The following MCPH1 variants were observed in gnomAD, a reference collection of about 807,000 sequenced individuals.
The protein encoded by MCPH1 is microcephalin 1, also known as microcephalin.
In MCPH1, 104 loss-of-function variants were observed where a neutral mutation model predicts 84.5. The ratio of observed to expected loss-of-function variants is 1.23; its 90% CI spans 1.05 to 1.45. MCPH1 has a LOEUF of 1.45. Among genes scored for constraint, MCPH1 ranks in the 40% most tolerant of loss-of-function variants. The probability of loss-of-function intolerance (pLI) is 0.00; values close to 1 mark genes in which losing one functional copy is unlikely to be tolerated. For missense variants in MCPH1, 1,498 were observed against 1,005.7 expected, an observed-to-expected ratio of 1.49 and a Z score of -6.62; for synonymous variants, 514 against 366.8, an observed-to-expected ratio of 1.40 and a Z score of -4.58.
At chr8:6,483,905 C>A (rs1367252001) in intron 11 of MCPH1, among the ~76,000 whole-genome samples, 1 of 152,030 alleles carries the variant, frequency 6.6e-6, no homozygotes, top group East Asian at 1.9e-4. Flanking sequence ...AAGGGAGAAC[C>A]TCATTCTATA....
chr8:6,567,563 C>A (rs1290892312), intron 12 of MCPH1, among the ~76,000 whole-genome samples: 2 of 152,178 alleles, frequency 1.3e-5, no homozygotes, highest in Non-Finnish European at 2.9e-5. Context: ...GCCTGGGATG[C>A]AAGTGTGCAT....
chr8:6,559,672 T>C (rs1045373732), intron 12 of MCPH1, among the ~76,000 whole-genome samples: 8 of 151,988 alleles, frequency 5.3e-5, no homozygotes, highest in African/African-American at 1.9e-4. Context: ...TTTCCTCTTA[T>C]CAGAAAAAAA....
chr8:6,595,150 A>G (rs558504843), intron 12 of MCPH1, among the ~76,000 whole-genome samples: 1 of 152,274 alleles, frequency 6.6e-6, no homozygotes, highest in Admixed American at 6.5e-5. Flanking sequence ...ATTGATTCAA[A>G]AGCATTCACT....
At chr8:6,449,607 T>C (rs1246681730) in intron 8 of MCPH1, among the ~76,000 whole-genome samples, 1 of 151,390 alleles carries the variant, frequency 6.6e-6, no homozygotes. Context: ...CACTCCATCC[T>C]GGACAACGAG....
intron 12 of MCPH1, among the ~76,000 whole-genome samples, chr8:6,555,307 TC>T (rs1296282235): frequency 5.3e-5 from 8 of 152,214 alleles, no homozygotes; most frequent in African/African-American, 1.9e-4. Flanking sequence ...AGGCTGAATT[TC>T]GTCGTCCTGC....
intron 9 of MCPH1, chr8:6,477,200 G>C (rs937198980): frequency 5.0e-6 from 1 of 200,500 alleles, no homozygotes; most frequent in African/African-American, 2.4e-5. Context: ...TCTGAAATGA[G>C]AATGAGGCTG....
rs1319509229 is a variant in MCPH1, at chr8:6,444,966, A to AT, written c.1249dup (p.Ser417PhefsTer3). Reference sequence around the variant, plus strand: ...TGTGGGGAGTCTTCATATGATGACTATTTTTCACCTGATAATCTTAAGGAA... The same window carrying AT: ...TGTGGGGAGTCTTCATATGATGACTATTTTTTCACCTGATAATCTTAAGGAA... On this transcript the variant is annotated frameshift_variant, in exon 8 of 14. Coordinates refer to ENST00000344683, the MANE Select transcript of MCPH1 (RefSeq NM_024596.5). LOFTEE classifies it high-confidence loss of function. 2.5e-6 allele frequency: 4 copies of AT among 1,613,962 alleles called. No individual in the cohort carries two copies. Among genetic ancestry groups the AT allele is most frequent in the Admixed American group, 1.7e-5 (1 of 60,000 alleles).
chr8:6,437,005 T>A (rs1802747395), intron 5 of MCPH1, among the ~76,000 whole-genome samples: 1 of 152,032 alleles, frequency 6.6e-6, no homozygotes, highest in African/African-American at 2.4e-5. Flanking sequence ...TTAAGATGCT[T>A]TGTACGTTTT....
At chr8:6,599,906 G>A (rs1829231815) in intron 12 of MCPH1, among the ~76,000 whole-genome samples, 1 of 152,178 alleles carries the variant, frequency 6.6e-6, no homozygotes, top group Non-Finnish European at 1.5e-5. Flanking sequence ...ACAATAACTT[G>A]CTTCAATGCA....
intron 12 of MCPH1, among the ~76,000 whole-genome samples, chr8:6,545,364 TTTAAAAAC>T (rs1822391043): frequency 6.6e-6 from 1 of 152,216 alleles, no homozygotes; most frequent in African/African-American, 2.4e-5. Flanking sequence ...CAAAAATTCT[TTTAAAAAC>T]TAAAAGACAT....
intron 3 of MCPH1, among the ~76,000 whole-genome samples, chr8:6,426,056 AAAG>A (rs1453141206): frequency 6.6e-6 from 1 of 152,190 alleles, no homozygotes; most frequent in Non-Finnish European, 1.5e-5. Context: ...GACTTTTTAA[AAAG>A]AAGCACAGTT....
chr8:6,423,185 C>CTTTTTTTTTTTTTTT (rs374999485), intron 3 of MCPH1, among the ~76,000 whole-genome samples: 3 of 110,784 alleles, frequency 2.7e-5, no homozygotes, highest in Non-Finnish European at 5.7e-5. Context: ...TTTTTCTTTT[C>CTTTTTTTTTTTTTTT]TTTTCTTTTT....
chr8:6,547,793 G>A (rs1439392544), intron 12 of MCPH1, among the ~76,000 whole-genome samples: 5 of 152,100 alleles, frequency 3.3e-5, no homozygotes, highest in Non-Finnish European at 7.4e-5. Flanking sequence ...GTGGGAATGC[G>A]GGGCCAGGGG....
At chr8:6,466,527 T>A (rs1300981893) in intron 9 of MCPH1, among the ~76,000 whole-genome samples, 1 of 152,156 alleles carries the variant, frequency 6.6e-6, no homozygotes, top group African/African-American at 2.4e-5. Flanking sequence ...CAGGATGGTC[T>A]CACTCTCCTG....
Position 6,594,263 on chromosome 8 carries a change from T to A in MCPH1, c.2215-27191T>A, listed in dbSNP as rs17077633. ...GTTTCTATTAAAGGGTTCTTTGTGT[T>A]AGGAATGTTCAGCAGAGCGCCATGA... On this transcript the variant is annotated intron_variant, in intron 12 of 13. Coordinates refer to ENST00000344683, the MANE Select transcript of MCPH1 (RefSeq NM_024596.5). 0.031 allele frequency among the ~76,000 whole-genome samples: 4,668 copies of A among 152,256 alleles called. 412 individuals carry two copies. The East Asian group carries it at 0.35, about 11-fold the overall frequency.
chr8:6,634,995 A>G (rs1255823043), intron 13 of MCPH1: 2 of 152,224 alleles, frequency 1.3e-5, no homozygotes, highest in Non-Finnish European at 2.9e-5. Flanking sequence ...CACAGTGACT[A>G]AAGACACAGA....
intron 12 of MCPH1, among the ~76,000 whole-genome samples, chr8:6,532,650 A>G (rs939651313): frequency 6.7e-6 from 1 of 148,822 alleles, no homozygotes; most frequent in Non-Finnish European, 1.5e-5. Context: ...TTTTTTTATC[A>G]TTAGGAAAAT....
At chr8:6,529,259 C>G (rs7825407) in intron 12 of MCPH1, among the ~76,000 whole-genome samples, 35,664 of 152,072 alleles carry the variant, frequency 0.23, 4,972 homozygotes, top group East Asian at 0.52. Context: ...TATGAGACCT[C>G]CAGCCACCCA....
chr8:6,521,199 T>A lies in MCPH1; in HGVS notation c.2214+21270T>A, dbSNP rs78729465. 5.7e-4 allele frequency: 915 copies of A among 1,613,292 alleles called. 5 individuals carry two copies. In the African/African-American group the frequency reaches 0.011, roughly 20 times the overall value. On this transcript the variant is annotated intron_variant, in intron 12 of 13. Transcript: ENST00000344683. ...TTACAGTTTGATGTGGACATCATAG[T>A]CAGTAAGTTATTAACTGTCTCCATG... is the stretch of plus-strand genomic sequence containing the variant.
Sources: gnomAD v4.1 joint callset for allele counts (sites outside exome capture counted in the v4.1 genomes callset) on GRCh38, gnomAD v4.1.1 for gene constraint, MANE v1.5 for transcripts, NCBI Gene and HGNC (gene_info 2026-07-23, HGNC 2026-07-21) for gene names.